The following XKR6 variants were observed in gnomAD, a reference collection of about 807,000 sequenced individuals.
The protein encoded by XKR6 is XK-related protein 6.
XKR6 carries 22 observed loss-of-function variants against 56.7 expected under a neutral mutation model. The observed-to-expected ratio is 0.39, with a 90% CI of 0.28 to 0.55. The LOEUF (loss-of-function observed/expected upper bound fraction) is 0.55, where lower values mean the gene tolerates loss of function less well. XKR6 is among the 20% of genes least tolerant of loss of function. The probability of loss-of-function intolerance (pLI) is 0.66; values close to 1 mark genes in which losing one functional copy is unlikely to be tolerated. For missense variants in XKR6, 852 were observed against 889.0 expected, an observed-to-expected ratio of 0.96 and a Z score of 0.53; for synonymous variants, 524 against 387.8, an observed-to-expected ratio of 1.35 and a Z score of -4.13.
rs143387377 is a variant in XKR6 at position 10,938,333 on chromosome 8, A to T, written c.765-13503T>A. Reference sequence around the variant, plus strand: ...CCTAGTGAGATGAACCCGGTACCTCAGATGGAAATGCAGAAATCCCCCGTC... The same window carrying T: ...CCTAGTGAGATGAACCCGGTACCTCTGATGGAAATGCAGAAATCCCCCGTC... On this transcript the variant is annotated intron_variant, in intron 1 of 2. Transcript: ENST00000416569. 9.8e-4 allele frequency among the ~76,000 whole-genome samples: 150 copies of T among 152,320 alleles called. 4 individuals are homozygous for T. In the East Asian group the frequency reaches 0.026, roughly 27 times the overall value.
chr8:10,908,079 C>T (rs1016047690), intron 2 of XKR6, among the ~76,000 whole-genome samples: 27 of 152,206 alleles, frequency 1.8e-4, no homozygotes, highest in African/African-American at 6.5e-4. Flanking sequence ...TGTACACGCC[C>T]ACGCTGCTGG....
chr8:11,163,664 G>A lies in XKR6; in HGVS notation c.764+36912C>T, dbSNP rs550415740. On this transcript the variant is annotated intron_variant, in intron 1 of 2. Transcript: ENST00000416569. ...TAGAACGCATTGCTTTGTTGTTTGC[G>A]TGGTCTGCTACCCCAGACCACATTT... Among the ~76,000 whole-genome samples the A allele has an allele frequency of 2.0e-5, 3 of 152,198 alleles. 1 individual carries two copies. Among genetic ancestry groups the A allele is most frequent in the Admixed American group, 1.3e-4 (2 of 15,280 alleles).
chr8:10,926,875 C>A (rs1800900958), intron 1 of XKR6, among the ~76,000 whole-genome samples: 1 of 152,148 alleles, frequency 6.6e-6, no homozygotes, highest in Non-Finnish European at 1.5e-5. Flanking sequence ...GGAGGTTGCA[C>A]CTAGTCTCAG....
In XKR6 at chr8:10,953,179, G is replaced by A. The variant is rs80113023; in HGVS notation, c.765-28349C>T. Among the ~76,000 whole-genome samples the A allele has an allele frequency of 1.1e-4, 16 of 152,308 alleles. No homozygotes were observed. In the East Asian group the frequency reaches 2.9e-3, roughly 28 times the overall value. The stretch of plus-strand genomic sequence containing the variant: ...GTACAATCAATGTAATACTCATCCT[G>A]AAACCATCCTCCCTCCTAGTCTGTG... On this transcript the variant is annotated intron_variant, in intron 1 of 2. Coordinates refer to ENST00000416569, the MANE Select transcript of XKR6 (RefSeq NM_173683.4).
intron 2 of XKR6, among the ~76,000 whole-genome samples, chr8:10,919,263 G>A (rs1035728874): frequency 6.6e-6 from 1 of 152,200 alleles, no homozygotes; most frequent in African/African-American, 2.4e-5. Context: ...GTTGGTTCCT[G>A]CTCATCATTT....
Position 10,958,079 on chromosome 8 carries a change from C to A in XKR6, c.765-33249G>T, listed in dbSNP as rs534844487. 7.9e-5 allele frequency among the ~76,000 whole-genome samples: 12 copies of A among 152,346 alleles called. No homozygotes were observed. The South Asian group carries it at 2.5e-3, about 32-fold the overall frequency. On this transcript the variant is annotated intron_variant, in intron 1 of 2. Coordinates refer to ENST00000416569, the MANE Select transcript of XKR6 (RefSeq NM_173683.4). Reference sequence around the variant, plus strand: ...TGATCTTCAGTAAGTCACTTGCCCTCTCTGGGCCTCAGTTTCCCTCACTTG... The same window carrying A: ...TGATCTTCAGTAAGTCACTTGCCCTATCTGGGCCTCAGTTTCCCTCACTTG...
intron 1 of XKR6, among the ~76,000 whole-genome samples, chr8:10,960,472 C>G (rs1244850739): frequency 6.6e-6 from 1 of 152,190 alleles, no homozygotes; most frequent in African/African-American, 2.4e-5. Context: ...GAGACGGAAG[C>G]CTTTCCTTTG....
chr8:11,196,068 C>T (rs1175917735), intron 1 of XKR6, among the ~76,000 whole-genome samples: 1 of 151,976 alleles, frequency 6.6e-6, no homozygotes, highest in Non-Finnish European at 1.5e-5. Flanking sequence ...TGCAAGTATA[C>T]AATCTATTAA....
intron 1 of XKR6, among the ~76,000 whole-genome samples, chr8:11,036,423 G>C (rs1307527186): frequency 2.6e-5 from 4 of 152,232 alleles, no homozygotes; most frequent in Non-Finnish European, 5.9e-5. Context: ...TGGTCAAAGA[G>C]TTTCCAAACC....
At chr8:11,128,933 T>C in intron 1 of XKR6, 1 of 456,754 alleles carries the variant, frequency 2.2e-6, no homozygotes, top group Non-Finnish European at 4.4e-6. Flanking sequence ...CCCTGGCTTC[T>C]TTAATAAAGC....
chr8:11,148,230 A>C (rs998627508), intron 1 of XKR6, among the ~76,000 whole-genome samples: 4 of 152,042 alleles, frequency 2.6e-5, no homozygotes, highest in Admixed American at 6.5e-5. Flanking sequence ...AGACAAACAA[A>C]CAAAAAAAAA....
intron 1 of XKR6, among the ~76,000 whole-genome samples, chr8:11,114,728 T>TAG (rs59347652): frequency 3.6e-5 from 1 of 27,752 alleles, no homozygotes; most frequent in Non-Finnish European, 6.5e-5. Context: ...AGATCACATA[T>TAG]GTGTGTGTGT....
chr8:11,037,739 T>A (rs1048932374), intron 1 of XKR6, among the ~76,000 whole-genome samples: 3 of 151,696 alleles, frequency 2.0e-5, no homozygotes, highest in African/African-American at 7.3e-5. Flanking sequence ...GCGCCTGTAA[T>A]CCCAGCTACT....
chr8:11,166,823 TC>T (rs1266773461), intron 1 of XKR6, among the ~76,000 whole-genome samples: 56 of 152,176 alleles, frequency 3.7e-4, no homozygotes, highest in African/African-American at 1.2e-3. Context: ...TCCAACCGCC[TC>T]GACCTCTCAA....
intron 1 of XKR6, among the ~76,000 whole-genome samples, chr8:11,192,162 AT>A (rs995556537): frequency 7.7e-4 from 114 of 147,250 alleles, no homozygotes; most frequent in Non-Finnish European, 6.2e-4. Flanking sequence ...TACAAAAAAA[AT>A]TTTTTTTTTT....
chr8:11,036,958 C>G (rs1355346621), intron 1 of XKR6, among the ~76,000 whole-genome samples: 1 of 152,206 alleles, frequency 6.6e-6, no homozygotes, highest in African/African-American at 2.4e-5. Flanking sequence ...AGTTAGCTCT[C>G]CCCTGCTTGA....
intron 1 of XKR6, chr8:11,108,001 G>C (rs1261861485): frequency 3.1e-6 from 1 of 322,036 alleles, no homozygotes; most frequent in Admixed American, 4.8e-5. Flanking sequence ...GTTTCTTCAG[G>C]CTGCTTCATT....
chr8:11,023,360 T>C (rs1798789532), intron 1 of XKR6, among the ~76,000 whole-genome samples: 1 of 152,164 alleles, frequency 6.6e-6, no homozygotes, highest in Non-Finnish European at 1.5e-5. Flanking sequence ...AGTGGCATGA[T>C]CACAGCAAGA....
At chr8:11,163,077 A>T (rs1206691960) in intron 1 of XKR6, among the ~76,000 whole-genome samples, 1 of 152,350 alleles carries the variant, frequency 6.6e-6, no homozygotes, top group African/African-American at 2.4e-5. Flanking sequence ...AACTAGAACC[A>T]TTTAATAAAA....
Sources: allele counts gnomAD v4.1 joint callset (sites outside exome capture counted in the v4.1 genomes callset), GRCh38; gene constraint gnomAD v4.1.1; transcripts MANE v1.5; gene names NCBI Gene and HGNC (gene_info 2026-07-23, HGNC 2026-07-21).